The following SLC9A6 variants were observed in gnomAD, a reference collection of about 807,000 sequenced individuals.
SLC9A6 encodes the protein sodium/hydrogen exchanger 6.
SLC9A6 carries 6 observed loss-of-function variants against 45.3 expected under a neutral mutation model. The observed-to-expected ratio is 0.13, with a 90% CI of 0.07 to 0.26. The LOEUF (loss-of-function observed/expected upper bound fraction) is 0.26, where lower values mean the gene tolerates loss of function less well. Ranked by LOEUF, SLC9A6 falls within the 10% of genes least tolerant of loss-of-function variation. The probability of loss-of-function intolerance (pLI) is 1.00; values close to 1 mark genes in which losing one functional copy is unlikely to be tolerated. For missense variants in SLC9A6, 278 were observed against 503.7 expected, an observed-to-expected ratio of 0.55 and a Z score of 4.29; for synonymous variants, 191 against 187.7, an observed-to-expected ratio of 1.02 and a Z score of -0.14.
Position 136,040,108 on chromosome X carries a change from C to T in SLC9A6, c.1694C>T (p.Pro565Leu). The T allele has an allele frequency of 8.3e-7, 1 of 1,210,895 alleles. No homozygotes were observed. Among genetic ancestry groups the T allele is most frequent in the Non-Finnish European group, 1.1e-6 (1 of 894,747 alleles). Residue 565 changes from proline to leucine, a missense_variant, in exon 17 of 18, where the codon CCT (proline) becomes CTT (leucine). By Grantham distance (98) the Pro-to-Leu change is moderately conservative. Around this residue, in one of 5 missense-constraint regions of SLC9A6, gnomAD observed 91 missense variants for 125.1 expected, o/e 0.73. Transcript: ENST00000630721. Reference protein sequence around the residue: ...YLKPLLTHSGPPLTTTLPACC... With the variant: ...YLKPLLTHSGLPLTTTLPACC... ...AAGCCTCTGCTGACCCACAGCGGGC[C>T]TCCGCTGACAACAACACTCCCTGCC...
intron 13 of SLC9A6, among the ~76,000 whole-genome samples, chrX:136,028,246 G>A (rs1469723032): frequency 8.9e-6 from 1 of 112,226 alleles, no homozygotes; most frequent in Non-Finnish European, 1.9e-5. Flanking sequence ...TCTGTGTGGT[G>A]GATATTAGCC....
At chrX:135,981,644 A>G (rs1000007098), upstream of SLC9A6, among the ~76,000 whole-genome samples, 12 of 112,424 alleles carry the variant, frequency 1.1e-4, no homozygotes, top group Non-Finnish European at 1.9e-4. Context: ...TCAAGGAACT[A>G]GAAGTTCAGA....
chrX:136,021,058 C>T (rs782747410), intron 11 of SLC9A6, among the ~76,000 whole-genome samples: 1 of 110,328 alleles, frequency 9.1e-6, no homozygotes, highest in East Asian at 2.9e-4. Flanking sequence ...GCTTCTAGGC[C>T]GTCTCAGCTG....
intron 17 of SLC9A6, among the ~76,000 whole-genome samples, chrX:136,041,102 A>G (rs2071501112): frequency 9.0e-6 from 1 of 111,038 alleles, no homozygotes. Context: ...TGGGTGACAG[A>G]GTGAGACTCT....
At chrX:136,032,255 A>T (rs782218451) in intron 15 of SLC9A6, among the ~76,000 whole-genome samples, 1 of 111,838 alleles carries the variant, frequency 8.9e-6, no homozygotes, top group South Asian at 3.8e-4. Flanking sequence ...TGTTTTTAGT[A>T]GAGACGGGGT....
rs1556619777 is a variant in SLC9A6, at chrX:136,020,351, ATT to A, written c.1195-2234_1195-2233del. Among the ~76,000 whole-genome samples, 939 of 110,617 alleles carry A rather than the reference ATT, an allele frequency of 8.5e-3. 9 individuals are homozygous for A. The highest frequency in any genetic ancestry group is 0.03 in the African/African-American group (904 of 30,405). ...TGTTTTATTCAGTCATTTTTTAATTATTATTACTTTTTTTTTTGAGACAGAAT... is the reference window on the plus strand; with the variant it reads ...TGTTTTATTCAGTCATTTTTTAATTAATTACTTTTTTTTTTGAGACAGAAT... On this transcript the variant is annotated intron_variant, in intron 11 of 17. Coordinates refer to ENST00000630721, the MANE Select transcript of SLC9A6 (RefSeq NM_001379110.1).
intron 17 of SLC9A6, among the ~76,000 whole-genome samples, chrX:136,042,171 C>A (rs2071522877): frequency 9.2e-6 from 1 of 108,760 alleles, no homozygotes; most frequent in Non-Finnish European, 1.9e-5. Context: ...ACAACCATCA[C>A]ACTTAATTTT....
At chrX:135,979,262 A>G (rs1271175150) in intron 1 of SLC9A6, among the ~76,000 whole-genome samples, 1 of 111,487 alleles carries the variant, frequency 9.0e-6, no homozygotes, top group African/African-American at 3.3e-5. Flanking sequence ...TTTGTTCCAC[A>G]TGAATATAGG....
At chrX:136,014,204 T>C (rs948212325) in intron 10 of SLC9A6, among the ~76,000 whole-genome samples, 1 of 112,217 alleles carries the variant, frequency 8.9e-6, no homozygotes, top group Non-Finnish European at 1.9e-5. Context: ...ACAAGAAGGT[T>C]GTGGGATTCG....
chrX:136,028,495 C>T (rs985690136), intron 13 of SLC9A6, among the ~76,000 whole-genome samples: 2 of 112,241 alleles, frequency 1.8e-5, no homozygotes, highest in East Asian at 5.6e-4. Context: ...ATAATAAGTG[C>T]TCTATAAATG....
Position 135,998,175 on chromosome X carries a change from G to A in SLC9A6, c.437G>A (p.Ser146Asn), listed in dbSNP as rs781783718. ...CCTATCATATTTTATGCAGGTTATAGCCTGAAAAGGGTAAGTCCTTTTGTC... is the reference window on the plus strand; with the variant it reads ...CCTATCATATTTTATGCAGGTTATAACCTGAAAAGGGTAAGTCCTTTTGTC... The part of the protein sequence containing the change: ...LPPIIFYAGY[S>N]LKRRHFFRNL... The change falls in exon 4 of 18, where the codon AGC (serine) becomes AAC (asparagine). Residue 146 changes from serine to asparagine, a missense_variant. Around this residue, in one of 5 missense-constraint regions of SLC9A6, gnomAD observed 118 missense variants for 209.9 expected, o/e 0.56. Transcript: ENST00000630721. 3.6e-6 allele frequency: 4 copies of A among 1,097,464 alleles called. No individual in the cohort carries two copies. Among genetic ancestry groups the A allele is most frequent in the Non-Finnish European group, 5.0e-6 (4 of 793,266 alleles). 90.4% of individuals were successfully genotyped at this position (1,097,464 alleles called of 1,213,427 possible). A position where few individuals can be genotyped will look rare whatever the true frequency, so the allele number is the denominator to read the frequency against.
At chrX:136,034,254 G>A (rs1364436935) in intron 16 of SLC9A6, among the ~76,000 whole-genome samples, 1 of 110,524 alleles carries the variant, frequency 9.0e-6, no homozygotes, top group African/African-American at 3.3e-5. Context: ...ATTCTCACAG[G>A]AGCCCGAACC....
intron 3 of SLC9A6, among the ~76,000 whole-genome samples, chrX:135,996,915 C>T (rs1192275495): frequency 9.1e-5 from 10 of 109,387 alleles, no homozygotes; most frequent in Non-Finnish European, 1.5e-4. Context: ...TACAGGCGCC[C>T]GCCACCACGC....
chrX:136,030,235 A>G, intron 15 of SLC9A6, 73 bp downstream of exon 15: 1 of 976,736 alleles, frequency 1.0e-6, no homozygotes, highest in Non-Finnish European at 1.5e-6. Flanking sequence ...ACAATCTACT[A>G]TAAACTTCAA....
At chrX:136,000,851 G>A (rs983935005) in intron 6 of SLC9A6, among the ~76,000 whole-genome samples, 1 of 111,002 alleles carries the variant, frequency 9.0e-6, no homozygotes, top group East Asian at 2.8e-4. Flanking sequence ...TGGACATGGT[G>A]GCTCATGTCT....
intron 7 of SLC9A6, among the ~76,000 whole-genome samples, chrX:136,006,023 T>C (rs1183206142): frequency 8.9e-6 from 1 of 111,988 alleles, no homozygotes; most frequent in Non-Finnish European, 1.9e-5. Flanking sequence ...AGCAGTTGTG[T>C]GCTCGCTGTG....
At position 136,016,714 on chromosome X, in the gene SLC9A6, T is replaced by G; in HGVS notation, c.1150T>G (p.Phe384Val). 8.4e-7 allele frequency: 1 copy of G among 1,190,217 alleles called. No individual in the cohort carries two copies. Among genetic ancestry groups the G allele is most frequent in the Middle Eastern group, 2.3e-4 (1 of 4,296 alleles). The change falls in exon 11 of 18, where the codon TTC becomes GTC. Residue 384 changes from phenylalanine (F) to valine (V), a missense_variant. Around this residue, in one of 5 missense-constraint regions of SLC9A6, gnomAD observed 41 missense variants for 51.8 expected, o/e 0.79. Coordinates refer to ENST00000630721, the MANE Select transcript of SLC9A6 (RefSeq NM_001379110.1). Reference protein sequence around the residue: ...FSYMGLTLFTFQNHVFNPTFV... With the variant: ...FSYMGLTLFTVQNHVFNPTFV... ...CTACATGGGGCTGACACTGTTCACC[T>G]TCCAGAACCATGTCTTTAACCCAAC...
At chrX:135,981,222 C>A (rs782753062), upstream of SLC9A6, among the ~76,000 whole-genome samples, 1 of 111,682 alleles carries the variant, frequency 9.0e-6, no homozygotes, top group Non-Finnish European at 1.9e-5. Flanking sequence ...AGGAAACTTG[C>A]GATCATGGTG....
upstream of SLC9A6, among the ~76,000 whole-genome samples, chrX:135,981,222 C>T (rs782753062): frequency 4.5e-5 from 5 of 111,737 alleles, no homozygotes; most frequent in East Asian, 2.8e-4. Flanking sequence ...AGGAAACTTG[C>T]GATCATGGTG....
Sources: allele counts gnomAD v4.1 joint callset (sites outside exome capture counted in the v4.1 genomes callset), GRCh38; gene constraint gnomAD v4.1.1; regional missense constraint gnomAD v4.1.1; transcripts MANE v1.5; gene names NCBI Gene and HGNC (gene_info 2026-07-23, HGNC 2026-07-21).